The following MXRA7 variants were observed in gnomAD, a reference collection of about 807,000 sequenced individuals.
MXRA7 encodes matrix remodeling associated 7, also known as matrix-remodeling-associated protein 7.
A neutral mutation model predicts 17.4 loss-of-function variants in MXRA7; 18 were observed. That is an observed-to-expected ratio of 1.03 (90% CI 0.71 to 1.53). The LOEUF (loss-of-function observed/expected upper bound fraction) is 1.53, where lower values mean the gene tolerates loss of function less well. MXRA7 is among the 40% of genes most tolerant of loss of function. MXRA7 has a pLI of 0.00. For missense variants in MXRA7, 141 were observed against 209.3 expected (o/e 0.67, Z 2.01); for synonymous variants, 70 against 101.7 (o/e 0.69, Z 1.87).
downstream of MXRA7, chr17:76,677,510 A>G: frequency 1.0e-6 from 1 of 972,198 alleles, no homozygotes; most frequent in Non-Finnish European, 1.6e-6. Flanking sequence ...GGCCTACAGA[A>G]GTCTGGAAAG....
intron 1 of MXRA7, among the ~76,000 whole-genome samples, chr17:76,693,419 C>CG (rs2076497910): frequency 1.4e-5 from 2 of 143,086 alleles, no homozygotes; most frequent in Admixed American, 7.4e-5. Flanking sequence ...GAGCTGAGAT[C>CG]ACGCCACTGC....
rs1322063665 is a variant in MXRA7, at chr17:76,681,862, C to T, written c.501-983G>A. The stretch of plus-strand genomic sequence containing the variant: ...GCTCAGGGGAGCTGTCACCAGCCTG[C>T]AAGCCCACTGTCCTAGCCACACTGT... On this transcript the variant is annotated intron_variant, in intron 3 of 3. Coordinates refer to ENST00000449428, the MANE Select transcript of MXRA7 (RefSeq NM_198530.4). This position sits in a 1 kb window ranked among gnomAD's most constrained non-coding sequence, Gnocchi z 4.7. 1.3e-5 allele frequency among the ~76,000 whole-genome samples: 2 copies of T among 152,210 alleles called. No individual in the cohort carries two copies. The highest frequency in any genetic ancestry group is 2.4e-5 in the African/African-American group (1 of 41,452).
In MXRA7 at chr17:76,680,395, C is replaced by A; in HGVS notation, c.*472G>T. ...GAAAGGGGTCGGCTGACCACCCTGA[C>A]GGAGCTGGTGAGCACAGGTGAGCTC... On this transcript the variant is annotated 3_prime_UTR_variant, in exon 4 of 4. Transcript: ENST00000449428. The A allele has an allele frequency of 1.0e-6, 1 of 985,860 alleles. No individual in the cohort carries two copies. The highest frequency in any genetic ancestry group is 1.2e-6 in the Non-Finnish European group (1 of 830,286). 61.1% of individuals were successfully genotyped at this position (985,860 alleles called of 1,614,324 possible). A position where few individuals can be genotyped will look rare whatever the true frequency, so the allele number is the denominator to read the frequency against.
At chr17:76,676,319 A>G (rs188912916), downstream of MXRA7, 8 of 152,368 alleles carry the variant, frequency 5.3e-5, no homozygotes, top group African/African-American at 1.7e-4. Context: ...AATTAAATAC[A>G]ATTAGGCAAG....
downstream of MXRA7, among the ~76,000 whole-genome samples, chr17:76,678,618 C>T (rs2076260071): frequency 6.6e-6 from 1 of 152,208 alleles, no homozygotes; most frequent in Non-Finnish European, 1.5e-5. Flanking sequence ...TCAGTGCCTT[C>T]AGAGAACGTA....
At chr17:76,700,757 C>T (rs965965281) in intron 1 of MXRA7, among the ~76,000 whole-genome samples, 4 of 152,198 alleles carry the variant, frequency 2.6e-5, no homozygotes, top group Non-Finnish European at 5.9e-5. Flanking sequence ...AAGATGACCT[C>T]AGACCGGATG....
chr17:76,684,581 G>T, intron 3 of MXRA7: 1 of 346,496 alleles, frequency 2.9e-6, no homozygotes, highest in Non-Finnish European at 5.7e-6. Flanking sequence ...ACAACGAGAA[G>T]CCATAGCTGC....
intron 1 of MXRA7, chr17:76,688,947 G>A (rs1225838360): frequency 3.3e-5 from 8 of 239,628 alleles, no homozygotes; most frequent in East Asian, 3.1e-4. Context: ...AGCGTCGGCC[G>A]CTCACGGGAG....
chr17:76,680,722 G>A lies in MXRA7; in HGVS notation c.*145C>T, dbSNP rs1413458625. On this transcript the variant is annotated 3_prime_UTR_variant, in exon 4 of 4. Transcript: ENST00000449428. ...GCTAGCCAAGGGACAAGTCCTGATT[G>A]AGGGTCTAGAGCTCAGCAGATTTAT... 1 of 1,463,046 alleles carries A rather than the reference G, an allele frequency of 6.8e-7. No individual in the cohort carries two copies. The highest frequency in any genetic ancestry group is 9.0e-7 in the Non-Finnish European group (1 of 1,107,772). The allele number at this position is 1,463,046 out of a possible 1,614,324, so 90.6% of individuals were successfully genotyped here.
chr17:76,687,970 C>CT (rs2076420302), intron 2 of MXRA7, 143 bp downstream of exon 2: 1 of 831,284 alleles, frequency 1.2e-6, no homozygotes, highest in South Asian at 1.7e-5. Flanking sequence ...GCGCCAGACT[C>CT]TACCTCTCAT....
intron 1 of MXRA7, chr17:76,689,021 G>A (rs567136863): frequency 3.0e-4 from 51 of 168,852 alleles, no homozygotes; most frequent in South Asian, 6.0e-4. Context: ...ACAGCGGGTC[G>A]GAAGTGGCAA....
At chr17:76,704,742 G>A (rs937094513) in intron 1 of MXRA7, among the ~76,000 whole-genome samples, 6 of 135,108 alleles carry the variant, frequency 4.4e-5, no homozygotes, top group East Asian at 2.2e-4. Context: ...CTGAGATTGC[G>A]CCACTGCACT....
chr17:76,680,841 T>TA lies in MXRA7; in HGVS notation c.*25_*26insT. 6.2e-7 allele frequency: 1 copy of TA among 1,608,602 alleles called. No homozygotes were observed. Among genetic ancestry groups the TA allele is most frequent in the Non-Finnish European group, 8.5e-7 (1 of 1,177,376 alleles). On this transcript the variant is annotated 3_prime_UTR_variant, in exon 4 of 4. Coordinates refer to ENST00000449428, the MANE Select transcript of MXRA7 (RefSeq NM_198530.4). ...TTTAAGATGCCAAAAGGAAAAGCCT[T>TA]TAGGAGGACGCTAAGGATAACTTCG...
In MXRA7 at chr17:76,687,864, G is replaced by A. The variant is rs1385124879; in HGVS notation, c.406+249C>T. 3.9e-5 allele frequency among the ~76,000 whole-genome samples: 6 copies of A among 152,354 alleles called. No homozygotes were observed. In the South Asian group the frequency reaches 1.2e-3, roughly 32 times the overall value. On this transcript the variant is annotated intron_variant, in intron 2 of 3. Transcript: ENST00000449428. ...GACAGAGCCAGGCAGGGCGTGTAGT[G>A]TGTTCCCAAGAGGGGCCCCGGGATG... is the stretch of plus-strand genomic sequence containing the variant.
exon 4 of MXRA7, chr17:76,673,950 CAG>C (rs1465097945): frequency 6.6e-6 from 1 of 152,252 alleles, no homozygotes; most frequent in East Asian, 1.9e-4. Context: ...CTTTGGTAAA[CAG>C]AACTGCAGAT....
chr17:76,688,965 A>G (rs1032949401), intron 1 of MXRA7: 21 of 219,604 alleles, frequency 9.6e-5, no homozygotes, highest in African/African-American at 4.8e-4. Context: ...GAGGCTCCCT[A>G]ACAAAACACT....
intron 1 of MXRA7, among the ~76,000 whole-genome samples, chr17:76,697,486 G>A (rs563424713): frequency 1.3e-5 from 2 of 152,358 alleles, no homozygotes; most frequent in East Asian, 3.9e-4. Context: ...ACAGTGAATT[G>A]AGACAGGCAG....
chr17:76,690,063 T>C (rs2076462664), intron 1 of MXRA7: 1 of 148,980 alleles, frequency 6.7e-6, no homozygotes, highest in African/African-American at 2.5e-5. Flanking sequence ...ACATGAAAAG[T>C]ACATCAAGAT....
intron 1 of MXRA7, among the ~76,000 whole-genome samples, chr17:76,694,270 G>C (rs975152370): frequency 6.6e-6 from 1 of 151,972 alleles, no homozygotes; most frequent in Non-Finnish European, 1.5e-5. Flanking sequence ...CCTGAGAACC[G>C]CTCCATTCCA....
Sources: allele counts gnomAD v4.1 joint callset (sites outside exome capture counted in the v4.1 genomes callset), GRCh38; gene constraint gnomAD v4.1.1; non-coding constraint Gnocchi (gnomAD v3.1); transcripts MANE v1.5; gene names NCBI Gene and HGNC (gene_info 2026-07-23, HGNC 2026-07-21).